SDK1: variants seen among roughly 807,000 people sequenced by gnomAD.
SDK1 encodes sidekick cell adhesion molecule 1, also known as protein sidekick-1.
SDK1 carries 157 observed loss-of-function variants against 245.5 expected under a neutral mutation model. The observed-to-expected ratio is 0.64, with a 90% CI of 0.56 to 0.73. The LOEUF (loss-of-function observed/expected upper bound fraction) is 0.73, where lower values mean the gene tolerates loss of function less well. SDK1 is among the 30% of genes least tolerant of loss of function. The pLI is 0.00. For synonymous variants in SDK1, 1,647 were observed against 1,278.5 expected (o/e 1.29, Z -6.15); for missense variants, 3,583 against 3,002.3 (o/e 1.19, Z -4.52).
At chr7:3,760,697 G>T (rs749360208) in intron 4 of SDK1, among the ~76,000 whole-genome samples, 2 of 152,146 alleles carry the variant, frequency 1.3e-5, no homozygotes, top group Non-Finnish European at 2.9e-5. Context: ...TGGTGTTTGG[G>T]ATTGTGTCTT....
intron 1 of SDK1, among the ~76,000 whole-genome samples, chr7:3,491,929 AGCT>A (rs1781874311): frequency 6.6e-6 from 1 of 152,254 alleles, no homozygotes; most frequent in Non-Finnish European, 1.5e-5. Flanking sequence ...ACCACTGTTT[AGCT>A]GATACAGTGA....
chr7:3,432,678 T>C (rs1212388596), intron 1 of SDK1, among the ~76,000 whole-genome samples: 2 of 152,186 alleles, frequency 1.3e-5, no homozygotes, highest in Non-Finnish European at 2.9e-5. Context: ...GTCTTCCCAG[T>C]GTAGACTGTA....
intron 5 of SDK1, among the ~76,000 whole-genome samples, chr7:3,922,066 C>G (rs1421288402): frequency 6.6e-6 from 1 of 152,216 alleles, no homozygotes. Flanking sequence ...TCTCTGCCAC[C>G]CTTCTCTTCT....
At chr7:3,452,728 G>T (rs187390122) in intron 1 of SDK1, among the ~76,000 whole-genome samples, 80 of 152,224 alleles carry the variant, frequency 5.3e-4, no homozygotes, top group African/African-American at 1.8e-3. Flanking sequence ...TTGACTTTGT[G>T]TGGAATTTCC....
intron 4 of SDK1, among the ~76,000 whole-genome samples, chr7:3,686,695 T>A (rs2114990548): frequency 6.6e-6 from 1 of 152,310 alleles, no homozygotes; most frequent in South Asian, 2.1e-4. Context: ...ACTCTGTTGC[T>A]GACAGCTCTG....
chr7:3,959,115 T>C, intron 8 of SDK1, 101 bp downstream of exon 8: 1 of 915,898 alleles, frequency 1.1e-6, no homozygotes, highest in Admixed American at 1.8e-5. Flanking sequence ...AGACATTGAG[T>C]GTGATGGCGA....
At chr7:3,709,125 G>A (rs1562387080) in intron 4 of SDK1, among the ~76,000 whole-genome samples, 1 of 152,168 alleles carries the variant, frequency 6.6e-6, no homozygotes, top group South Asian at 2.1e-4. Context: ...TTCTTGTAGG[G>A]CTGGCCTGGT....
At chr7:4,099,863 T>A (rs1363134170) in intron 22 of SDK1, among the ~76,000 whole-genome samples, 1 of 151,712 alleles carries the variant, frequency 6.6e-6, no homozygotes, top group Non-Finnish European at 1.5e-5. Flanking sequence ...TAAGAAACCG[T>A]GGCTGCTGGT....
chr7:3,751,817 T>C (rs1324950205), intron 4 of SDK1, among the ~76,000 whole-genome samples: 1 of 152,192 alleles, frequency 6.6e-6, no homozygotes, highest in Non-Finnish European at 1.5e-5. Context: ...TTCCATTTCC[T>C]CTGAGGACCG....
At chr7:4,091,965 C>G (rs955085437) in intron 22 of SDK1, among the ~76,000 whole-genome samples, 7 of 152,106 alleles carry the variant, frequency 4.6e-5, no homozygotes, top group Admixed American at 2.0e-4. Context: ...TCTGACTCAT[C>G]CCCCAGGAAA....
At chr7:4,092,106 A>C (rs1206574394) in intron 22 of SDK1, among the ~76,000 whole-genome samples, 1 of 152,194 alleles carries the variant, frequency 6.6e-6, no homozygotes, top group Non-Finnish European at 1.5e-5. Flanking sequence ...GCTTTAGGGA[A>C]GTCTTTTAGG....
intron 4 of SDK1, among the ~76,000 whole-genome samples, chr7:3,746,624 T>A (rs1251428495): frequency 1.3e-5 from 2 of 152,200 alleles, no homozygotes; most frequent in African/African-American, 4.8e-5. Context: ...AGGAGTAGGT[T>A]CCATCTTAAC....
At chr7:4,051,130 A>T (rs1562730750) in intron 18 of SDK1, among the ~76,000 whole-genome samples, 3 of 139,422 alleles carry the variant, frequency 2.2e-5, no homozygotes, top group Non-Finnish European at 3.0e-5. Context: ...TATACATATT[A>T]TATATAATAT....
chr7:3,913,575 G>C (rs1382052372), intron 5 of SDK1, among the ~76,000 whole-genome samples: 1 of 152,044 alleles, frequency 6.6e-6, no homozygotes, highest in Admixed American at 6.6e-5. Flanking sequence ...TTACAGGCGT[G>C]AGCCACCGTG....
intron 1 of SDK1, among the ~76,000 whole-genome samples, chr7:3,369,288 G>T (rs1009907105): frequency 3.3e-5 from 5 of 152,048 alleles, no homozygotes; most frequent in African/African-American, 9.7e-5. Context: ...CAGTCCACCT[G>T]CCTCGGCCTC....
chr7:4,013,138 C>T (rs1260532843), intron 16 of SDK1, among the ~76,000 whole-genome samples: 4 of 152,158 alleles, frequency 2.6e-5, no homozygotes, highest in Non-Finnish European at 5.9e-5. Flanking sequence ...CCAGATGTGG[C>T]TGAAGGGTAG....
chr7:3,395,936 T>G (rs1256875725), intron 1 of SDK1, among the ~76,000 whole-genome samples: 2 of 151,864 alleles, frequency 1.3e-5, no homozygotes, highest in Non-Finnish European at 2.9e-5. Flanking sequence ...CTCTGTTGTT[T>G]TTCTGTTTTA....
intron 1 of SDK1, among the ~76,000 whole-genome samples, chr7:3,548,699 A>G (rs1362254760): frequency 6.6e-6 from 1 of 152,190 alleles, no homozygotes; most frequent in East Asian, 1.9e-4. Context: ...TTCTTTTGTC[A>G]TGTTTAATAT....
chr7:4,000,290 C>G (rs1449152232), intron 14 of SDK1, among the ~76,000 whole-genome samples: 1 of 152,188 alleles, frequency 6.6e-6, no homozygotes, highest in Non-Finnish European at 1.5e-5. Context: ...GCAGCTTGTC[C>G]TTCCTCCAGC....
Sources: allele counts gnomAD v4.1 joint callset (sites outside exome capture counted in the v4.1 genomes callset), GRCh38; gene constraint gnomAD v4.1.1; transcripts MANE v1.5; gene names NCBI Gene and HGNC (gene_info 2026-07-23, HGNC 2026-07-21).